The following CAMK2B variants were observed in gnomAD, a reference collection of about 807,000 sequenced individuals.
CAMK2B encodes calcium/calmodulin dependent protein kinase II beta.
A neutral mutation model predicts 93.7 loss-of-function variants in CAMK2B; 27 were observed. That is an observed-to-expected ratio of 0.29 (90% CI 0.21 to 0.40). CAMK2B has a LOEUF of 0.40. Ranked by LOEUF, CAMK2B falls within the 10% of genes least tolerant of loss-of-function variation. CAMK2B has a pLI of 1.00. For synonymous variants in CAMK2B, 374 were observed against 358.8 expected (o/e 1.04, Z -0.48); for missense variants, 568 against 895.8 (o/e 0.63, Z 4.67).
intron 5 of CAMK2B, among the ~76,000 whole-genome samples, chr7:44,253,345 C>T (rs1010898972): frequency 5.9e-5 from 9 of 151,770 alleles, no homozygotes; most frequent in African/African-American, 1.9e-4. Flanking sequence ...TCCCGAGTAG[C>T]TGGGATTACA....
In CAMK2B at chr7:44,220,373, C is replaced by T. The variant is rs541337951; in HGVS notation, c.1769-79G>A. The T allele has an allele frequency of 1.5e-4, 169 of 1,162,324 alleles. 1 individual carries two copies. The African/African-American group carries it at 2.1e-3, about 15-fold the overall frequency. The allele number at this position is 1,162,324 out of a possible 1,614,324, so 72.0% of individuals were successfully genotyped here. ...CCGTCTTCCACCCCACCAGCCTAAT[C>T]CTTTCCCTCTCTCAACTCCCCTTAT... On this transcript the variant is annotated intron_variant, in intron 22 of 23. Coordinates refer to ENST00000395749, the MANE Select transcript of CAMK2B (RefSeq NM_001220.5).
chr7:44,255,435 T>G (rs764001559), intron 4 of CAMK2B, among the ~76,000 whole-genome samples: 1 of 152,148 alleles, frequency 6.6e-6, no homozygotes, highest in African/African-American at 2.4e-5. Context: ...CCTCACACAC[T>G]TAGCCTGCTT....
intron 2 of CAMK2B, among the ~76,000 whole-genome samples, chr7:44,264,161 CG>C (rs1342944617): frequency 6.6e-6 from 1 of 152,124 alleles, no homozygotes; most frequent in African/African-American, 2.4e-5. Flanking sequence ...GACAAGACCT[CG>C]GGGATGCCTC....
At chr7:44,295,228 T>C (rs1787972595) in intron 1 of CAMK2B, among the ~76,000 whole-genome samples, 1 of 152,196 alleles carries the variant, frequency 6.6e-6, no homozygotes, top group Non-Finnish European at 1.5e-5. Flanking sequence ...CTACAAAATG[T>C]AAAAAGCAAA....
In CAMK2B at chr7:44,225,530, C is replaced by T. The variant is rs750047205; in HGVS notation, c.1597+986G>A. 7.9e-5 allele frequency among the ~76,000 whole-genome samples: 12 copies of T among 152,296 alleles called. No individual in the cohort carries two copies. Among genetic ancestry groups the T allele is most frequent in the Admixed American group, 1.3e-4 (2 of 15,300 alleles). On this transcript the variant is annotated intron_variant, in intron 20 of 23. Coordinates refer to ENST00000395749, the MANE Select transcript of CAMK2B (RefSeq NM_001220.5). This position sits in a 1 kb window ranked among gnomAD's most constrained non-coding sequence, Gnocchi z 5.0. ...CCTGCTGGGGGTCCTCAGCCGACCA[C>T]AGAAGCTCTGGGGGTGAGTACCCCT...
chr7:44,231,341 G>A (rs1378397586), intron 16 of CAMK2B, among the ~76,000 whole-genome samples: 3 of 152,164 alleles, frequency 2.0e-5, no homozygotes, highest in Non-Finnish European at 4.4e-5. Flanking sequence ...GCATTCTCAC[G>A]GCAGCCAGCA....
chr7:44,228,574 G>A (rs2096543916), intron 19 of CAMK2B, among the ~76,000 whole-genome samples: 1 of 152,098 alleles, frequency 6.6e-6, no homozygotes, highest in Non-Finnish European at 1.5e-5. Flanking sequence ...GGCAGTGGGA[G>A]CAGGAGCCGT....
chr7:44,245,884 A>C (rs1472260344), intron 6 of CAMK2B, among the ~76,000 whole-genome samples: 1 of 152,118 alleles, frequency 6.6e-6, no homozygotes, highest in Non-Finnish European at 1.5e-5. Flanking sequence ...CAGGGTCTGC[A>C]CTGCTTGCCT....
intron 5 of CAMK2B, among the ~76,000 whole-genome samples, chr7:44,253,505 G>T (rs960817527): frequency 6.6e-6 from 1 of 152,152 alleles, no homozygotes; most frequent in Non-Finnish European, 1.5e-5. Flanking sequence ...GAGCCACCAC[G>T]CACGGCCTAA....
intron 2 of CAMK2B, among the ~76,000 whole-genome samples, chr7:44,268,344 G>C (rs2096939031): frequency 6.6e-6 from 1 of 152,198 alleles, no homozygotes; most frequent in African/African-American, 2.4e-5. Flanking sequence ...TGCAGAATCT[G>C]ATATTTACAG....
intron 6 of CAMK2B, among the ~76,000 whole-genome samples, chr7:44,245,915 C>T (rs1443866682): frequency 6.6e-6 from 1 of 151,912 alleles, no homozygotes; most frequent in Non-Finnish European, 1.5e-5. Context: ...AAGCAGCAGG[C>T]TGAACCAAGC....
intron 13 of CAMK2B, among the ~76,000 whole-genome samples, chr7:44,237,798 G>A (rs2096640296): frequency 6.6e-6 from 1 of 152,206 alleles, no homozygotes; most frequent in African/African-American, 2.4e-5. Context: ...TGGGTTGGGG[G>A]TTCTGCAGGC....
chr7:44,243,261 A>C lies in CAMK2B; in HGVS notation c.590T>G (p.Ile197Ser). Reference protein sequence around the residue: ...RKEAYGKPVDIWACGVILYIL... With the variant: ...RKEAYGKPVDSWACGVILYIL... Reference sequence around the variant, plus strand: ...AGGCCAGGCCTCACCACATGCCCAGATGTCCACAGGCTTGCCATACGCCTC... The same window carrying C: ...AGGCCAGGCCTCACCACATGCCCAGCTGTCCACAGGCTTGCCATACGCCTC... The change falls in exon 8 of 24, where the codon ATC becomes AGC. Residue 197 changes from isoleucine to serine, a missense_variant. This residue lies in a region of CAMK2B where 105 missense variants were observed against 372.4 expected (regional missense o/e 0.28). Coordinates refer to ENST00000395749, the MANE Select transcript of CAMK2B (RefSeq NM_001220.5). 6.2e-7 allele frequency: 1 copy of C among 1,613,630 alleles called. No homozygotes were observed. The highest frequency in any genetic ancestry group is 8.5e-7 in the Non-Finnish European group (1 of 1,179,638).
In CAMK2B at chr7:44,284,174, C is replaced by T. The variant is rs770287814; in HGVS notation, c.117G>A (p.Glu39=). 6.6e-5 allele frequency: 106 copies of T among 1,613,996 alleles called. No individual in the cohort carries two copies. The South Asian group carries it at 1.0e-3, about 15-fold the overall frequency. The change falls in exon 2 of 24, where the codon GAG becomes GAA. Residue 39 remains glutamate, a synonymous_variant. Coordinates refer to ENST00000395749, the MANE Select transcript of CAMK2B (RefSeq NM_001220.5). ...TGGTGTTGATGATCTTGGCTGCATA[C>T]TCATGGCCGGTGCAGAGCTTGACAC... The part of the protein sequence containing the change: ...RRCVKLCTGH[E]YAAKIINTKK...
At chr7:44,309,039 C>T (rs1011950726) in intron 1 of CAMK2B, among the ~76,000 whole-genome samples, 3 of 152,334 alleles carry the variant, frequency 2.0e-5, no homozygotes, top group African/African-American at 7.2e-5. Context: ...TGAAACGGAC[C>T]CCAGAGCCCT....
At chr7:44,255,154 G>A (rs775290675) in intron 4 of CAMK2B, among the ~76,000 whole-genome samples, 2 of 152,116 alleles carry the variant, frequency 1.3e-5, no homozygotes, top group Non-Finnish European at 2.9e-5. Flanking sequence ...GGTCTCCTTG[G>A]TGGCGCAGGG....
chr7:44,303,302 G>T, intron 1 of CAMK2B, among the ~76,000 whole-genome samples: 1 of 152,136 alleles, frequency 6.6e-6, no homozygotes, highest in Non-Finnish European at 1.5e-5. Context: ...ATAGGAAGAT[G>T]CAATATTGTC....
intron 2 of CAMK2B, among the ~76,000 whole-genome samples, chr7:44,282,006 A>G (rs2097105801): frequency 2.0e-5 from 3 of 152,220 alleles, no homozygotes; most frequent in Admixed American, 2.0e-4. Context: ...AGGGCCAGAC[A>G]GTCCCATTCC....
chr7:44,259,094 A>G (rs2096858305), intron 3 of CAMK2B, among the ~76,000 whole-genome samples, 168 bp from the exon 4 acceptor site: 1 of 152,134 alleles, frequency 6.6e-6, no homozygotes, highest in Non-Finnish European at 1.5e-5. Context: ...GGCTGAGCAG[A>G]GTGCTTTGGG....
Sources: allele counts gnomAD v4.1 joint callset (sites outside exome capture counted in the v4.1 genomes callset), GRCh38; gene constraint gnomAD v4.1.1; regional missense constraint gnomAD v4.1.1; non-coding constraint Gnocchi (gnomAD v3.1); transcripts MANE v1.5; gene names NCBI Gene and HGNC (gene_info 2026-07-23, HGNC 2026-07-21).